The following ZFX variants were observed in gnomAD, a reference collection of about 807,000 sequenced individuals.
ZFX encodes zinc finger X-chromosomal protein.
For synonymous variants in ZFX, 196 were observed against 226.8 expected, an observed-to-expected ratio of 0.86 and a Z score of 1.22; for missense variants, 362 against 628.3, an observed-to-expected ratio of 0.58 and a Z score of 4.53.
At chrX:24,191,702 T>C in intron 5 of ZFX, among the ~76,000 whole-genome samples, 1 of 102,370 alleles carries the variant, frequency 9.8e-6, no homozygotes, top group Non-Finnish European at 2.0e-5. Context: ...CTTCATTGGA[T>C]TTTTTTTTTT....
At chrX:24,172,517 C>T (rs1934724546) in intron 3 of ZFX, among the ~76,000 whole-genome samples, 198 bp from the exon 4 acceptor site, 1 of 112,413 alleles carries the variant, frequency 8.9e-6, no homozygotes, top group Non-Finnish European at 1.9e-5. Context: ...ACTTGTTTAT[C>T]TGCCCTGCTT....
chrX:24,191,346 C>G lies in ZFX; in HGVS notation c.646+11576C>G, dbSNP rs770916352. 2.7e-5 allele frequency among the ~76,000 whole-genome samples: 3 copies of G among 111,058 alleles called. No individual in the cohort carries two copies. In the South Asian group the frequency reaches 1.1e-3, roughly 42 times the overall value. ...AAGAATTAAAGGAGATCAGATCGTA[C>G]CCAATTCTTTCAAGTCTCTTATAGG... is the stretch of plus-strand genomic sequence containing the variant. On this transcript the variant is annotated intron_variant, in intron 5 of 9. Transcript: ENST00000304543.
intron 3 of ZFX, among the ~76,000 whole-genome samples, chrX:24,159,544 G>A (rs1473420253): frequency 9.0e-6 from 1 of 110,545 alleles, no homozygotes; most frequent in East Asian, 2.8e-4. Context: ...GCACGATCTC[G>A]GCTCACTGCA....
chrX:24,180,570 A>AG (rs1478732469), intron 5 of ZFX, among the ~76,000 whole-genome samples: 4 of 110,483 alleles, frequency 3.6e-5, no homozygotes, highest in Non-Finnish European at 7.6e-5. Context: ...TTTAGTAGAG[A>AG]GGGGGTTTTG....
At chrX:24,190,133 A>G (rs1177213333) in intron 5 of ZFX, among the ~76,000 whole-genome samples, 1 of 111,815 alleles carries the variant, frequency 8.9e-6, no homozygotes, top group East Asian at 2.8e-4. Flanking sequence ...ATGGTACACA[A>G]CATGATGTTT....
intron 4 of ZFX, among the ~76,000 whole-genome samples, chrX:24,176,793 T>C (rs918005412): frequency 1.8e-5 from 2 of 111,274 alleles, no homozygotes; most frequent in Non-Finnish European, 3.8e-5. Flanking sequence ...CAGTGACACA[T>C]AGTCATTGAG....
rs1569173395 is a variant in ZFX at position 24,210,953 on chromosome X, C to T, written c.1995C>T (p.Asp665=). The stretch of plus-strand genomic sequence containing the variant: ...CGAAAGACTACCCCCATAAGTGTGA[C>T]ATGTGTGATAAAGGCTTTCACAGGC... ...VHTKDYPHKC[D]MCDKGFHRPS... Residue 665 remains aspartate, a synonymous_variant, in exon 10 of 10, where the codon GAC becomes GAT. Transcript: ENST00000304543. 7.4e-6 allele frequency: 9 copies of T among 1,211,810 alleles called. No homozygotes were observed. The highest frequency in any genetic ancestry group is 1.0e-5 in the Non-Finnish European group (9 of 895,538).
intron 2 of ZFX, among the ~76,000 whole-genome samples, 161 bp downstream of exon 2, chrX:24,151,961 G>T (rs1932210957): frequency 8.9e-6 from 1 of 111,812 alleles, no homozygotes; most frequent in Admixed American, 9.5e-5. Context: ...TAAGACAGCT[G>T]CTCCTTTTTT....
chrX:24,158,663 G>A (rs1206364372), intron 3 of ZFX, among the ~76,000 whole-genome samples: 1 of 111,071 alleles, frequency 9.0e-6, no homozygotes, highest in African/African-American at 3.3e-5. Flanking sequence ...TTGAGCCGGG[G>A]TCTTGCTCTG....
intron 5 of ZFX, among the ~76,000 whole-genome samples, chrX:24,201,908 T>G (rs749112431): frequency 8.9e-6 from 1 of 112,140 alleles, no homozygotes; most frequent in African/African-American, 3.2e-5. Context: ...TTGGACTCTT[T>G]AAGCCTTCAT....
chrX:24,194,188 G>A (rs1268294895), intron 5 of ZFX, among the ~76,000 whole-genome samples: 2 of 111,502 alleles, frequency 1.8e-5, no homozygotes, highest in African/African-American at 6.5e-5. Context: ...TGTATGGATA[G>A]ACCATATTGT....
chrX:24,210,887 G>A lies in ZFX; in HGVS notation c.1929G>A (p.Ser643=), dbSNP rs369124495. Residue 643 remains serine, a synonymous_variant, in exon 10 of 10, where the codon TCG becomes TCA. Transcript: ENST00000304543. The stretch of plus-strand genomic sequence containing the variant: ...GTTTGCATTGCGACCACAAGAGTTC[G>A]AACTCAAGTGATTTGAAACGACACA... ...HQCLHCDHKS[S]NSSDLKRHII... The A allele has an allele frequency of 4.0e-5, 48 of 1,208,117 alleles. No homozygotes were observed. Among genetic ancestry groups the A allele is most frequent in the Non-Finnish European group, 4.9e-5 (44 of 894,747 alleles).
chrX:24,149,894 C>T (rs1027486812), intron 1 of ZFX, 100 bp downstream of exon 1: 1 of 108,893 alleles, frequency 9.2e-6, no homozygotes, highest in Non-Finnish European at 1.9e-5. Flanking sequence ...CCGCGCTAGG[C>T]CGGGCGGCGT....
intron 4 of ZFX, among the ~76,000 whole-genome samples, chrX:24,177,271 A>G (rs1935236920): frequency 8.9e-6 from 1 of 112,008 alleles, no homozygotes; most frequent in African/African-American, 3.2e-5. Context: ...AGGATATTTG[A>G]TTCTATTTCC....
chrX:24,196,631 G>T (rs1310353162), intron 5 of ZFX, among the ~76,000 whole-genome samples: 3 of 109,238 alleles, frequency 2.7e-5, no homozygotes, highest in Admixed American at 9.8e-5. Context: ...ATCTTGCTCT[G>T]TTGCCCAGGC....
intron 4 of ZFX, among the ~76,000 whole-genome samples, chrX:24,176,104 AT>A (rs1383179188): frequency 2.0e-5 from 2 of 102,278 alleles, no homozygotes; most frequent in African/African-American, 7.4e-5. Context: ...CAATGGCGCG[AT>A]CTTTGCTCAC....
intron 3 of ZFX, among the ~76,000 whole-genome samples, chrX:24,164,107 G>A (rs1165995392): frequency 9.2e-6 from 1 of 108,392 alleles, no homozygotes; most frequent in African/African-American, 3.4e-5. Context: ...AGATTTTTTT[G>A]GGGTAAAAAT....
Position 24,210,649 on chromosome X carries a change from A to G in ZFX, c.1691A>G (p.Lys564Arg). Reference sequence around the variant, plus strand: ...GGTTTTCGTCACCCGTCAGAGCTCAAAAAGCACATGAGAATCCATACTGGG... The same window carrying G: ...GGTTTTCGTCACCCGTCAGAGCTCAGAAAGCACATGAGAATCCATACTGGG... The part of the protein sequence containing the change: ...GKGFRHPSEL[K>R]KHMRIHTGEK... The change falls in exon 10 of 10, where the codon AAA becomes AGA. Residue 564 changes from lysine (K) to arginine (R), a missense_variant. Transcript: ENST00000304543. 1.7e-6 allele frequency: 2 copies of G among 1,212,018 alleles called. No homozygotes were observed. The highest frequency in any genetic ancestry group is 1.8e-5 in the South Asian group (1 of 56,991).
At chrX:24,171,310 A>G (rs1415863810) in intron 3 of ZFX, among the ~76,000 whole-genome samples, 1 of 111,132 alleles carries the variant, frequency 9.0e-6, no homozygotes, top group Non-Finnish European at 1.9e-5. Flanking sequence ...CCTGAATCAA[A>G]TATGAAGTTG....
Sources: allele counts gnomAD v4.1 joint callset (sites outside exome capture counted in the v4.1 genomes callset), GRCh38; gene constraint gnomAD v4.1.1; transcripts MANE v1.5; gene names NCBI Gene and HGNC (gene_info 2026-07-23, HGNC 2026-07-21).